The following FHIT variants were observed in gnomAD, a reference collection of about 807,000 sequenced individuals.
FHIT encodes the protein fragile histidine triad diadenosine triphosphatase.
Under a neutral mutation model 17.9 loss-of-function variants are expected in FHIT, and 19 were observed. The ratio of observed to expected loss-of-function variants is 1.06; its 90% CI spans 0.74 to 1.56. FHIT has a LOEUF of 1.56. Among genes scored for constraint, FHIT ranks in the 40% most tolerant of loss-of-function variants. The pLI is 0.00. For missense variants in FHIT, 248 were observed against 189.2 expected (o/e 1.31, Z -1.82); for synonymous variants, 81 against 69.7 (o/e 1.16, Z -0.81).
At chr3:61,074,718 C>A (rs949647151) in intron 2 of FHIT, among the ~76,000 whole-genome samples, 1 of 152,050 alleles carries the variant, frequency 6.6e-6, no homozygotes, top group Non-Finnish European at 1.5e-5. Flanking sequence ...AAGTAATGAT[C>A]AAAGACAAAT....
intron 2 of FHIT, among the ~76,000 whole-genome samples, chr3:61,143,803 T>A (rs1173830878): frequency 6.6e-6 from 1 of 152,074 alleles, no homozygotes; most frequent in Non-Finnish European, 1.5e-5. Flanking sequence ...GAGGCAGAGG[T>A]TGCAGTGTGC....
intron 3 of FHIT, among the ~76,000 whole-genome samples, chr3:60,908,209 T>G (rs986595733): frequency 3.3e-5 from 5 of 152,198 alleles, no homozygotes; most frequent in African/African-American, 4.8e-5. Context: ...TGGGGTGGCA[T>G]GGAGTGGGGG....
At chr3:60,256,774 C>A (rs2107602083) in intron 5 of FHIT, among the ~76,000 whole-genome samples, 1 of 152,272 alleles carries the variant, frequency 6.6e-6, no homozygotes, top group African/African-American at 2.4e-5. Flanking sequence ...TGGTCAGGTG[C>A]AATAGTCTCC....
intron 1 of FHIT, among the ~76,000 whole-genome samples, chr3:61,216,618 A>C (rs1392798489): frequency 6.6e-6 from 1 of 152,190 alleles, no homozygotes; most frequent in Non-Finnish European, 1.5e-5. Context: ...TAGAAATACC[A>C]TTTGACCCAG....
intron 4 of FHIT, among the ~76,000 whole-genome samples, chr3:60,673,527 G>C (rs116739269): frequency 0.011 from 1,696 of 152,062 alleles, 34 homozygotes; most frequent in African/African-American, 0.039. Flanking sequence ...GGTGGGATGG[G>C]GGGCAGCGGT....
At chr3:61,204,479 G>A (rs972118844) in intron 1 of FHIT, among the ~76,000 whole-genome samples, 3 of 152,092 alleles carry the variant, frequency 2.0e-5, no homozygotes, top group Non-Finnish European at 4.4e-5. Flanking sequence ...AAACAACATA[G>A]AGTAAACGCA....
chr3:60,934,779 T>C (rs1553772683), intron 3 of FHIT, among the ~76,000 whole-genome samples: 1 of 152,060 alleles, frequency 6.6e-6, no homozygotes, highest in East Asian at 1.9e-4. Flanking sequence ...TGAGGCAATG[T>C]TGAAGTGGGA....
Position 60,393,212 on chromosome 3 carries a change from G to A in FHIT, c.103+143648C>T, listed in dbSNP as rs142079641. On this transcript the variant is annotated intron_variant, in intron 5 of 9. Coordinates refer to ENST00000492590, the MANE Select transcript of FHIT (RefSeq NM_002012.4). ...CCAATTCTTTAGGGATGGACTAAAT[G>A]GCTGGTATTATTGCTTACAAAAGCA... Among the ~76,000 whole-genome samples, 1,289 of 152,042 alleles carry A rather than the reference G, an allele frequency of 8.5e-3. 8 individuals are homozygous for A. The highest frequency in any genetic ancestry group is 0.014 in the Middle Eastern group (4 of 294).
At chr3:60,144,409 T>C (rs1323007172) in intron 5 of FHIT, among the ~76,000 whole-genome samples, 2 of 152,180 alleles carry the variant, frequency 1.3e-5, no homozygotes, top group Admixed American at 1.3e-4. Flanking sequence ...CAACCAACTT[T>C]GCCTTTTGCT....
At chr3:60,651,541 CT>C (rs11328354) in intron 4 of FHIT, among the ~76,000 whole-genome samples, 40,940 of 148,124 alleles carry the variant, frequency 0.28, 6,541 homozygotes, top group East Asian at 0.74. Flanking sequence ...TAGATCCAAT[CT>C]TTTTTTTTTT....
At chr3:60,732,244 C>G in intron 4 of FHIT, 1 of 864,824 alleles carries the variant, frequency 1.2e-6, no homozygotes, top group Non-Finnish European at 2.0e-6. Flanking sequence ...CATGCCTTCA[C>G]CATGCCAAAG....
intron 4 of FHIT, among the ~76,000 whole-genome samples, chr3:60,556,963 G>A (rs1397148456): frequency 6.6e-6 from 1 of 152,186 alleles, no homozygotes; most frequent in Admixed American, 6.5e-5. Flanking sequence ...TGCCACCAAG[G>A]ACATCTCCTG....
At chr3:60,983,208 A>G (rs1245305816) in intron 3 of FHIT, among the ~76,000 whole-genome samples, 2 of 152,036 alleles carry the variant, frequency 1.3e-5, no homozygotes, top group Non-Finnish European at 1.5e-5. Flanking sequence ...CAGAGTCCTC[A>G]GAAAGCACAG....
At chr3:60,154,410 G>A (rs1024534388) in intron 5 of FHIT, among the ~76,000 whole-genome samples, 1 of 152,124 alleles carries the variant, frequency 6.6e-6, no homozygotes, top group East Asian at 1.9e-4. Context: ...AGTCATGAAA[G>A]GTCATTCCAG....
intron 5 of FHIT, among the ~76,000 whole-genome samples, chr3:60,399,212 T>C (rs534981049): frequency 3.9e-5 from 6 of 152,302 alleles, no homozygotes; most frequent in African/African-American, 1.4e-4. Flanking sequence ...CTTTATTAAC[T>C]TCAAGGGTTT....
At chr3:61,249,990 A>ACACACAC (rs1560111601) in intron 1 of FHIT, among the ~76,000 whole-genome samples, 4 of 119,512 alleles carry the variant, frequency 3.3e-5, no homozygotes, top group African/African-American at 3.9e-5. Flanking sequence ...ACACACACAC[A>ACACACAC]AACCCTAGAC....
intron 5 of FHIT, among the ~76,000 whole-genome samples, chr3:60,364,408 C>A (rs1700027745): frequency 6.6e-6 from 1 of 152,236 alleles, no homozygotes; most frequent in Non-Finnish European, 1.5e-5. Flanking sequence ...ACTCTGTAAG[C>A]ACCTACAACT....
chr3:60,601,715 C>T (rs933758037), intron 4 of FHIT, among the ~76,000 whole-genome samples: 5 of 152,212 alleles, frequency 3.3e-5, no homozygotes, highest in Middle Eastern at 6.8e-3. Context: ...AGATGAAGAA[C>T]TCAGCTGGAA....
chr3:61,151,979 T>C (rs545435305), intron 2 of FHIT, among the ~76,000 whole-genome samples: 1 of 152,326 alleles, frequency 6.6e-6, no homozygotes, highest in Non-Finnish European at 1.5e-5. Flanking sequence ...GCCCAAGCCT[T>C]TACATTGGAA....
Sources: allele counts gnomAD v4.1 joint callset (sites outside exome capture counted in the v4.1 genomes callset), GRCh38; gene constraint gnomAD v4.1.1; transcripts MANE v1.5; gene names NCBI Gene and HGNC (gene_info 2026-07-23, HGNC 2026-07-21).